MGMT: variants seen among roughly 807,000 people sequenced by gnomAD.
MGMT encodes the protein methylated-DNA--protein-cysteine methyltransferase.
MGMT carries 14 observed loss-of-function variants against 15.9 expected under a neutral mutation model. The observed-to-expected ratio is 0.88, with a 90% CI of 0.58 to 1.37. MGMT has a LOEUF of 1.37. Ranked by LOEUF, MGMT falls within the 40% of genes most tolerant of loss-of-function variation. The pLI, the probability that MGMT is intolerant of heterozygous loss-of-function variation, is 0.00. For synonymous variants in MGMT, 130 were observed against 118.2 expected (o/e 1.10, Z -0.65); for missense variants, 282 against 268.1 (o/e 1.05, Z -0.36).
intron 2 of MGMT, among the ~76,000 whole-genome samples, chr10:129,666,438 T>C (rs953642700): frequency 2.0e-5 from 3 of 152,220 alleles, no homozygotes; most frequent in African/African-American, 4.8e-5. Context: ...AGCACTTCTT[T>C]TATGTCTTTC....
At chr10:129,688,953 T>C (rs1847940945) in intron 2 of MGMT, among the ~76,000 whole-genome samples, 1 of 152,070 alleles carries the variant, frequency 6.6e-6, no homozygotes, top group Non-Finnish European at 1.5e-5. Context: ...AAATGTGTTC[T>C]TTTCTATCTT....
rs560261512 is a variant in MGMT, at chr10:129,541,002, C to T, written c.125+4625C>T. Among the ~76,000 whole-genome samples, 7 of 152,344 alleles carry T rather than the reference C, an allele frequency of 4.6e-5. No homozygotes were observed. The East Asian group carries it at 5.8e-4, about 13-fold the overall frequency. ...TCTGGCCCCTGCCCTCACCCTTCTC[C>T]GAGTGCCTATGAGTCCCAGGGTGGT... On this transcript the variant is annotated intron_variant, in intron 2 of 4. Coordinates refer to ENST00000651593, the MANE Select transcript of MGMT (RefSeq NM_002412.5).
chr10:129,625,523 T>A (rs1182726574), intron 2 of MGMT, among the ~76,000 whole-genome samples: 3 of 152,240 alleles, frequency 2.0e-5, no homozygotes, highest in Non-Finnish European at 4.4e-5. Flanking sequence ...ATATTTCCAG[T>A]GGGGTTTATT....
chr10:129,552,033 G>A (rs1846163038), intron 2 of MGMT, among the ~76,000 whole-genome samples: 1 of 152,210 alleles, frequency 6.6e-6, no homozygotes, highest in Non-Finnish European at 1.5e-5. Context: ...CATGGGACCA[G>A]GATAAGAAGA....
At chr10:129,507,702 G>A (rs538252513) in intron 1 of MGMT, among the ~76,000 whole-genome samples, 1 of 152,284 alleles carries the variant, frequency 6.6e-6, no homozygotes, top group South Asian at 2.1e-4. Flanking sequence ...AATGACAAAT[G>A]GATTCTGTGC....
At chr10:129,632,719 G>C (rs1175325502) in intron 2 of MGMT, among the ~76,000 whole-genome samples, 18 of 152,158 alleles carry the variant, frequency 1.2e-4, no homozygotes, top group Admixed American at 1.2e-3. Flanking sequence ...GAGAGGGAGG[G>C]TTGTGGACCC....
At chr10:129,639,368 C>CA (rs1244547677) in intron 2 of MGMT, among the ~76,000 whole-genome samples, 2 of 152,056 alleles carry the variant, frequency 1.3e-5, no homozygotes, top group African/African-American at 4.8e-5. Context: ...AACAGAATTC[C>CA]AAAATACATG....
chr10:129,747,925 G>T (rs1848712286), intron 3 of MGMT, among the ~76,000 whole-genome samples: 1 of 152,160 alleles, frequency 6.6e-6, no homozygotes, highest in African/African-American at 2.4e-5. Flanking sequence ...TGTGTGAGGA[G>T]AAAAACCACA....
intron 2 of MGMT, among the ~76,000 whole-genome samples, chr10:129,574,692 A>G (rs1001255141): frequency 6.6e-5 from 10 of 152,280 alleles, no homozygotes; most frequent in African/African-American, 2.4e-4. Context: ...AGGGGATTGC[A>G]CCACTGACGG....
intron 2 of MGMT, among the ~76,000 whole-genome samples, chr10:129,684,585 G>A (rs551068936): frequency 2.6e-5 from 4 of 152,358 alleles, no homozygotes; most frequent in African/African-American, 9.6e-5. Flanking sequence ...AAGTGATTGT[G>A]TATGTGGTAA....
At chr10:129,562,318 C>T (rs1034698579) in intron 2 of MGMT, among the ~76,000 whole-genome samples, 4 of 152,196 alleles carry the variant, frequency 2.6e-5, no homozygotes, top group Admixed American at 6.5e-5. Context: ...CCCTTGCTGG[C>T]ACCTTGTTCG....
chr10:129,572,448 AG>A (rs1214813935), intron 2 of MGMT, among the ~76,000 whole-genome samples: 1 of 152,218 alleles, frequency 6.6e-6, no homozygotes, highest in Non-Finnish European at 1.5e-5. Context: ...CTTAACAGCC[AG>A]GGTCTTCCTG....
intron 2 of MGMT, among the ~76,000 whole-genome samples, chr10:129,638,446 G>GAAAAAAAAAAAAAAAAAAAAAAAAAAA (rs1157292152): frequency 2.5e-4 from 24 of 96,272 alleles, no homozygotes; most frequent in African/African-American, 3.4e-4. Flanking sequence ...AAAAAAAAAA[G>GAAAAAAAAAAAAAAAAAAAAAAAAAAA]AAAAAAAAAA....
chr10:129,703,999 T>A (rs1177184223), intron 2 of MGMT, among the ~76,000 whole-genome samples: 2 of 152,118 alleles, frequency 1.3e-5, no homozygotes, highest in African/African-American at 4.8e-5. Flanking sequence ...GAGCCGGGGC[T>A]AACCCTCACT....
chr10:129,692,894 C>T (rs954870606), intron 2 of MGMT, among the ~76,000 whole-genome samples: 1 of 152,254 alleles, frequency 6.6e-6, no homozygotes, highest in East Asian at 1.9e-4. Context: ...CTCGCGGTTG[C>T]TCTCATCCGT....
At chr10:129,655,630 GT>G (rs1421438160) in intron 2 of MGMT, among the ~76,000 whole-genome samples, 1 of 152,176 alleles carries the variant, frequency 6.6e-6, no homozygotes, top group Non-Finnish European at 1.5e-5. Context: ...GGATGAGTTT[GT>G]AAAACACTTT....
At chr10:129,736,324 T>C (rs1186103352) in intron 3 of MGMT, among the ~76,000 whole-genome samples, 2 of 151,860 alleles carry the variant, frequency 1.3e-5, no homozygotes, top group Non-Finnish European at 2.9e-5. Context: ...AATGGCCTTC[T>C]TTGTCTCTTT....
chr10:129,473,465 A>G (rs1392817054), intron 1 of MGMT, among the ~76,000 whole-genome samples: 3 of 152,200 alleles, frequency 2.0e-5, no homozygotes, highest in Non-Finnish European at 4.4e-5. Flanking sequence ...TTTATTTTGC[A>G]TATGAGGAAC....
At chr10:129,619,626 A>G (rs1847068309) in intron 2 of MGMT, among the ~76,000 whole-genome samples, 1 of 152,100 alleles carries the variant, frequency 6.6e-6, no homozygotes. Context: ...TGGGAAGGTT[A>G]TTACTTAATT....
Sources: gnomAD v4.1 joint callset for allele counts (sites outside exome capture counted in the v4.1 genomes callset) on GRCh38, gnomAD v4.1.1 for gene constraint, MANE v1.5 for transcripts, NCBI Gene and HGNC (gene_info 2026-07-23, HGNC 2026-07-21) for gene names.